SDSL: variants seen among roughly 807,000 people sequenced by gnomAD.
SDSL encodes serine dehydratase-like.
SDSL carries 26 observed loss-of-function variants against 27.6 expected under a neutral mutation model. That is an observed-to-expected ratio of 0.94 (90% CI 0.69 to 1.31). The LOEUF is 1.31. Ranked by LOEUF, SDSL falls within the 50% of genes most tolerant of loss-of-function variation. SDSL has a pLI of 0.00. For missense variants in SDSL, 431 were observed against 423.5 expected (o/e 1.02, Z -0.16); for synonymous variants, 196 against 180.6 (o/e 1.09, Z -0.69).
intron 1 of SDSL, among the ~76,000 whole-genome samples, chr12:113,424,500 A>G (rs1037796235): frequency 1.3e-5 from 2 of 152,170 alleles, no homozygotes; most frequent in Admixed American, 6.5e-5. Context: ...TGCCCATCTC[A>G]TCAGGCTATA....
At chr12:113,427,670 G>A (rs531149973) in intron 1 of SDSL, among the ~76,000 whole-genome samples, 1 of 152,228 alleles carries the variant, frequency 6.6e-6, no homozygotes, top group South Asian at 2.1e-4. Context: ...TTTGACTGAG[G>A]AATGAATTCT....
intron 4 of SDSL, among the ~76,000 whole-genome samples, chr12:113,429,552 ACAGGAGACTGT>A (rs1957894318): frequency 6.6e-6 from 1 of 152,182 alleles, no homozygotes; most frequent in Non-Finnish European, 1.5e-5. Context: ...CTGACGATGA[ACAGGAGACTGT>A]CTGTCTCCTT....
chr12:113,428,536 G>T (rs1406489072), intron 3 of SDSL, 77 bp downstream of exon 3: 20 of 1,368,030 alleles, frequency 1.5e-5, no homozygotes, highest in Non-Finnish European at 2.0e-5. Flanking sequence ...ACACATCCAG[G>T]GTTGGTCTCC....
intron 1 of SDSL, among the ~76,000 whole-genome samples, chr12:113,427,591 GT>G (rs1957863860): frequency 6.6e-6 from 1 of 152,206 alleles, no homozygotes; most frequent in East Asian, 1.9e-4. Context: ...CTAGTGGGAG[GT>G]TTTTTATGAC....
chr12:113,427,892 C>T (rs1163689840), intron 1 of SDSL, 70 bp from the exon 2 acceptor site: 24 of 1,408,532 alleles, frequency 1.7e-5, no homozygotes, highest in Non-Finnish European at 2.3e-5. Context: ...CTCCACCTTC[C>T]CCTCCCTGTC....
intron 4 of SDSL, among the ~76,000 whole-genome samples, chr12:113,430,203 T>C (rs1378165940): frequency 6.6e-6 from 1 of 152,098 alleles, no homozygotes; most frequent in Non-Finnish European, 1.5e-5. Context: ...TGTTAGACAT[T>C]CTAGAAACAC....
At chr12:113,431,288 A>T (rs1271658776) in intron 4 of SDSL, among the ~76,000 whole-genome samples, 2 of 152,204 alleles carry the variant, frequency 1.3e-5, no homozygotes, top group Non-Finnish European at 2.9e-5. Context: ...ACCTGAGAGC[A>T]CTAGGGAAGC....
chr12:113,433,922 A>G lies in SDSL; in HGVS notation c.355-212A>G, dbSNP rs190829399. Among the ~76,000 whole-genome samples, 279 of 152,216 alleles carry G rather than the reference A, an allele frequency of 1.8e-3. 1 individual carries two copies. The highest frequency in any genetic ancestry group is 6.5e-3 in the African/African-American group (271 of 41,532). On this transcript the variant is annotated intron_variant, in intron 4 of 7. Transcript: ENST00000403593. The stretch of plus-strand genomic sequence containing the variant: ...TGGCAGTAGGACAGGTCGCTTGGGT[A>G]TTGTGGAAAGCACATGGCATCTGTT...
At chr12:113,437,003 A>T in intron 7 of SDSL, 128 bp downstream of exon 7, 1 of 933,646 alleles carries the variant, frequency 1.1e-6, no homozygotes. Flanking sequence ...GTTACTGTGC[A>T]CTAAGTGCAC....
At chr12:113,437,617 G>A (rs553237340) in intron 7 of SDSL, among the ~76,000 whole-genome samples, 1 of 152,228 alleles carries the variant, frequency 6.6e-6, no homozygotes, top group East Asian at 1.9e-4. Context: ...TGATGGATGG[G>A]TACACTGATG....
chr12:113,436,447 C>T (rs1245785944), intron 6 of SDSL, among the ~76,000 whole-genome samples: 1 of 152,122 alleles, frequency 6.6e-6, no homozygotes, highest in Non-Finnish European at 1.5e-5. Flanking sequence ...CACCACCACA[C>T]CCGGATAATT....
At chr12:113,432,289 TTTC>T (rs1565879266) in intron 4 of SDSL, among the ~76,000 whole-genome samples, 4 of 143,196 alleles carry the variant, frequency 2.8e-5, no homozygotes, top group African/African-American at 1.1e-4. Context: ...TCTTTCTTTC[TTTC>T]TCTCTCTCTC....
Position 113,427,999 on chromosome 12 carries a change from C to A in SDSL, c.17C>A (p.Ala6Glu). The A allele has an allele frequency of 6.2e-7, 1 of 1,612,424 alleles. No homozygotes were observed. Among genetic ancestry groups the A allele is most frequent in the Non-Finnish European group, 8.5e-7 (1 of 1,179,374 alleles). MDGPVAEHAKQEPFHV... is the reference protein window; with the variant it reads MDGPVEEHAKQEPFHV... ...GTCTCCAGAATGGACGGCCCTGTGG[C>A]AGAGCATGCCAAGCAGGAGCCCTTT... The change falls in exon 2 of 8, where the codon GCA becomes GAA. Residue 6 changes from alanine to glutamate, a missense_variant. Physicochemically the swap from Ala to Glu is moderately radical, Grantham distance 107. Transcript: ENST00000403593.
intron 5 of SDSL, 46 bp downstream of exon 5, chr12:113,434,268 T>C: frequency 7.0e-7 from 1 of 1,432,998 alleles, no homozygotes; most frequent in Non-Finnish European, 9.6e-7. Flanking sequence ...CTGGGAGACC[T>C]TCACTGAGTC....
intron 1 of SDSL, chr12:113,425,926 G>A (rs1957844245): frequency 8.1e-6 from 3 of 371,206 alleles, no homozygotes; most frequent in African/African-American, 2.1e-5. Flanking sequence ...GAGGCAGAGG[G>A]TGCAGTGAGC....
intron 4 of SDSL, among the ~76,000 whole-genome samples, chr12:113,431,013 G>A (rs1365256974): frequency 6.6e-6 from 1 of 152,238 alleles, no homozygotes; most frequent in African/African-American, 2.4e-5. Context: ...CCTTAGATTT[G>A]GGGAAAGGAT....
intron 1 of SDSL, chr12:113,425,872 C>T (rs1246001417): frequency 2.6e-6 from 1 of 382,536 alleles, no homozygotes; most frequent in African/African-American, 2.1e-5. Context: ...GCCTGTGGTC[C>T]CAGTTACTCG....
Position 113,428,445 on chromosome 12 carries a change from TG to T in SDSL, c.202del (p.Val68CysfsTer48). ...ATGGCCAAGAAGGGATGCAGACACCTGGTGTGCTCCTCAGGTGACCCCACCT... is the reference window on the plus strand; with the variant it reads ...ATGGCCAAGAAGGGATGCAGACACCTGTGTGCTCCTCAGGTGACCCCACCT... ...QEMAKKGCRH[L>X]VCSSGGNAGI... is the part of the protein sequence containing the mutation. On this transcript the variant is annotated frameshift_variant, in exon 3 of 8. Coordinates refer to ENST00000403593, the MANE Select transcript of SDSL (RefSeq NM_001304993.2). LOFTEE classifies it high-confidence loss of function. The T allele has an allele frequency of 6.2e-7, 1 of 1,612,514 alleles. No individual in the cohort carries two copies. The highest frequency in any genetic ancestry group is 8.5e-7 in the Non-Finnish European group (1 of 1,179,668).
At chr12:113,428,230 G>C (rs749619445) in intron 2 of SDSL, 74 bp downstream of exon 2, 176 of 1,456,892 alleles carry the variant, frequency 1.2e-4, no homozygotes, top group Non-Finnish European at 1.6e-4. Context: ...TGTGGGCTGG[G>C]GACGGGTTCG....
Sources: allele counts gnomAD v4.1 joint callset (sites outside exome capture counted in the v4.1 genomes callset), GRCh38; gene constraint gnomAD v4.1.1; transcripts MANE v1.5; gene names NCBI Gene and HGNC (gene_info 2026-07-23, HGNC 2026-07-21).